The following CPEB3 variants were observed in gnomAD, a reference collection of about 807,000 sequenced individuals.
CPEB3 encodes cytoplasmic polyadenylation element binding protein 3.
A neutral mutation model predicts 67.2 loss-of-function variants in CPEB3; 20 were observed. That is an observed-to-expected ratio of 0.30 (90% CI 0.21 to 0.43). CPEB3 has a LOEUF of 0.43. Ranked by LOEUF, CPEB3 falls within the 20% of genes least tolerant of loss-of-function variation. The pLI is 1.00. For synonymous variants in CPEB3, 376 were observed against 393.1 expected (o/e 0.96, Z 0.51); for missense variants, 746 against 968.6 (o/e 0.77, Z 3.05).
chr10:92,138,783 G>A (rs564165875), intron 6 of CPEB3, among the ~76,000 whole-genome samples: 2 of 152,294 alleles, frequency 1.3e-5, no homozygotes, highest in South Asian at 4.1e-4. Flanking sequence ...ATGGAGAACA[G>A]CATGGAGGTT....
At chr10:92,238,672 G>GC (rs1851660188) in intron 2 of CPEB3, among the ~76,000 whole-genome samples, 1 of 151,210 alleles carries the variant, frequency 6.6e-6, no homozygotes. Context: ...GGAGAGGGTT[G>GC]CCCTTAGAAT....
At chr10:92,077,740 G>A (rs1024617824) in intron 9 of CPEB3, among the ~76,000 whole-genome samples, 14 of 148,384 alleles carry the variant, frequency 9.4e-5, no homozygotes, top group African/African-American at 3.2e-4. Context: ...GTCACAAAAA[G>A]AGAAGAAAAG....
At chr10:92,249,330 G>T (rs1287493993) in intron 1 of CPEB3, among the ~76,000 whole-genome samples, 2 of 148,614 alleles carry the variant, frequency 1.3e-5, no homozygotes, top group Non-Finnish European at 3.0e-5. Context: ...AGTGAGCCAA[G>T]ATCGTGCCAC....
intron 1 of CPEB3, among the ~76,000 whole-genome samples, chr10:92,288,156 G>C (rs1413982262): frequency 6.6e-6 from 1 of 152,042 alleles, no homozygotes; most frequent in Non-Finnish European, 1.5e-5. Flanking sequence ...TCCACTTTTT[G>C]GCTATCAAGA....
At chr10:92,061,944 C>T (rs1395043696) in intron 9 of CPEB3, among the ~76,000 whole-genome samples, 1 of 152,144 alleles carries the variant, frequency 6.6e-6, no homozygotes, top group Non-Finnish European at 1.5e-5. Flanking sequence ...TCTACACCCA[C>T]TATGTATAAA....
chr10:92,232,368 C>T (rs1317368122), intron 2 of CPEB3, among the ~76,000 whole-genome samples: 1 of 151,256 alleles, frequency 6.6e-6, no homozygotes, highest in African/African-American at 2.4e-5. Flanking sequence ...AAAGCATAAT[C>T]TTTTGATACC....
intron 2 of CPEB3, among the ~76,000 whole-genome samples, chr10:92,233,081 T>C (rs1411259878): frequency 6.6e-6 from 1 of 152,206 alleles, no homozygotes; most frequent in Non-Finnish European, 1.5e-5. Flanking sequence ...AAACAGTTTG[T>C]GGGGATGAGT....
intron 1 of CPEB3, among the ~76,000 whole-genome samples, chr10:92,246,499 T>C: frequency 6.6e-6 from 1 of 151,922 alleles, no homozygotes; most frequent in Non-Finnish European, 1.5e-5. Flanking sequence ...TTATTTGAAA[T>C]TAGGATGTCA....
rs1281752083 is a variant in CPEB3 at position 92,095,167 on chromosome 10, C to A, written c.1573-3223G>T. ...CTGCCTTTTCTGCCCACTCCCCAAC[C>A]CCCGATCTCACTTCATCACATTGCA... On this transcript the variant is annotated intron_variant, in intron 7 of 9. Coordinates refer to ENST00000265997, the MANE Select transcript of CPEB3 (RefSeq NM_014912.5). 3.3e-5 allele frequency among the ~76,000 whole-genome samples: 5 copies of A among 152,082 alleles called. 1 individual carries two copies. Among genetic ancestry groups the A allele is most frequent in the Non-Finnish European group, 5.9e-5 (4 of 68,018 alleles).
intron 2 of CPEB3, among the ~76,000 whole-genome samples, chr10:92,213,204 G>A (rs1005834897): frequency 6.6e-6 from 1 of 152,138 alleles, no homozygotes; most frequent in Non-Finnish European, 1.5e-5. Context: ...CCCATCCTAA[G>A]ACACTCCTTC....
At chr10:92,264,072 T>TA (rs1387972330) in intron 1 of CPEB3, among the ~76,000 whole-genome samples, 4 of 152,166 alleles carry the variant, frequency 2.6e-5, no homozygotes, top group Non-Finnish European at 4.4e-5. Flanking sequence ...CTCACGCCTA[T>TA]AATCCCAGCA....
intron 4 of CPEB3, among the ~76,000 whole-genome samples, chr10:92,167,151 G>A (rs1847782926): frequency 1.3e-5 from 2 of 152,210 alleles, no homozygotes; most frequent in Admixed American, 1.3e-4. Flanking sequence ...ATAAGGGAAT[G>A]TTGTGGCTGG....
chr10:92,158,429 G>A (rs1260317295), intron 4 of CPEB3, among the ~76,000 whole-genome samples: 2 of 152,012 alleles, frequency 1.3e-5, no homozygotes, highest in African/African-American at 4.8e-5. Context: ...CTTACCACCA[G>A]ATAAGAAAAA....
At chr10:92,086,760 T>C (rs1843392337) in intron 8 of CPEB3, among the ~76,000 whole-genome samples, 1 of 152,222 alleles carries the variant, frequency 6.6e-6, no homozygotes, top group African/African-American at 2.4e-5. Flanking sequence ...TAAGTATCAA[T>C]TCATTGCAGT....
chr10:92,193,554 C>T (rs1490365795), intron 2 of CPEB3, among the ~76,000 whole-genome samples: 2 of 151,822 alleles, frequency 1.3e-5, no homozygotes, highest in African/African-American at 2.4e-5. Flanking sequence ...ACCTCCTGAG[C>T]TCAAGCAATC....
intron 1 of CPEB3, among the ~76,000 whole-genome samples, chr10:92,271,437 T>C (rs1853303473): frequency 6.6e-6 from 1 of 152,232 alleles, no homozygotes; most frequent in Admixed American, 6.5e-5. Flanking sequence ...CATTTACTTG[T>C]CAAGTCTCTG....
At chr10:92,122,850 C>G (rs1003700773) in intron 6 of CPEB3, among the ~76,000 whole-genome samples, 32 of 152,334 alleles carry the variant, frequency 2.1e-4, no homozygotes, top group African/African-American at 7.5e-4. Context: ...AGGGAAACAA[C>G]TAACCTAAGT....
chr10:92,231,307 A>T (rs184717758), intron 2 of CPEB3, among the ~76,000 whole-genome samples: 1 of 152,296 alleles, frequency 6.6e-6, no homozygotes, highest in Admixed American at 6.5e-5. Context: ...TTAACTTTGG[A>T]CTACTGAATA....
intron 1 of CPEB3, among the ~76,000 whole-genome samples, chr10:92,267,475 G>A (rs980162859): frequency 7.9e-5 from 12 of 152,198 alleles, no homozygotes; most frequent in African/African-American, 2.9e-4. Flanking sequence ...AGATCATAGA[G>A]GAGACCTTTT....
Sources: gnomAD v4.1 joint callset for allele counts (sites outside exome capture counted in the v4.1 genomes callset) on GRCh38, gnomAD v4.1.1 for gene constraint, MANE v1.5 for transcripts, NCBI Gene and HGNC (gene_info 2026-07-23, HGNC 2026-07-21) for gene names.